The following PPARGC1A variants were observed in gnomAD, a reference collection of about 807,000 sequenced individuals.
The protein encoded by PPARGC1A is PPARG coactivator 1 alpha.
In PPARGC1A, 25 loss-of-function variants were observed where a neutral mutation model predicts 88.7. The ratio of observed to expected loss-of-function variants is 0.28; its 90% CI spans 0.21 to 0.39. The LOEUF is 0.39. Among genes scored for constraint, PPARGC1A ranks in the 10% least tolerant of loss-of-function variants. The pLI is 1.00. For missense variants in PPARGC1A, 880 were observed against 968.7 expected (o/e 0.91, Z 1.22); for synonymous variants, 363 against 355.6 (o/e 1.02, Z -0.24).
the PPARGC1A span, among the ~76,000 whole-genome samples, chr4:24,310,769 A>T: frequency 6.6e-6 from 1 of 152,240 alleles, no homozygotes; most frequent in African/African-American, 2.4e-5. Context: ...CTACAACATA[A>T]AATTCACAAT....
chr4:24,423,117 C>A, the PPARGC1A span, among the ~76,000 whole-genome samples: 3 of 152,038 alleles, frequency 2.0e-5, no homozygotes, highest in Admixed American at 2.0e-4. Flanking sequence ...ATTTGAATTC[C>A]AGCTCAGTGT....
the PPARGC1A span, among the ~76,000 whole-genome samples, chr4:24,133,747 G>T: frequency 6.6e-6 from 1 of 152,086 alleles, no homozygotes; most frequent in Non-Finnish European, 1.5e-5. Context: ...AAGCACAAGG[G>T]GACATTATTC....
At chr4:24,227,606 A>C in the PPARGC1A span, among the ~76,000 whole-genome samples, 2 of 152,230 alleles carry the variant, frequency 1.3e-5, no homozygotes, top group Non-Finnish European at 2.9e-5. Context: ...ATAAAAACAG[A>C]AATCATTGTA....
intron 12 of PPARGC1A, among the ~76,000 whole-genome samples, chr4:23,801,144 T>C (rs1391689669): frequency 6.6e-6 from 1 of 152,018 alleles, no homozygotes; most frequent in African/African-American, 2.4e-5. Context: ...ATGCTATGGT[T>C]CGTGAAAGGA....
At chr4:24,233,379 T>TC in the PPARGC1A span, among the ~76,000 whole-genome samples, 167 of 152,012 alleles carry the variant, frequency 1.1e-3, no homozygotes, top group African/African-American at 3.7e-3. Flanking sequence ...CTCTCTCTTT[T>TC]CTCATCTTCC....
At chr4:24,168,594 A>C in the PPARGC1A span, among the ~76,000 whole-genome samples, 3 of 152,008 alleles carry the variant, frequency 2.0e-5, no homozygotes, top group East Asian at 1.9e-4. Context: ...TTGTACTACA[A>C]GAAGGTGAGG....
the PPARGC1A span, among the ~76,000 whole-genome samples, chr4:23,921,135 C>A: frequency 6.6e-6 from 1 of 152,156 alleles, no homozygotes; most frequent in Non-Finnish European, 1.5e-5. Context: ...TTCCTTTCTC[C>A]CACACTCACC....
chr4:24,107,643 C>T, the PPARGC1A span, among the ~76,000 whole-genome samples: 2 of 152,204 alleles, frequency 1.3e-5, no homozygotes, highest in Admixed American at 1.3e-4. Context: ...AGGTCAGTCA[C>T]AAAATTTAAG....
At chr4:23,813,461 GCTCT>G (rs1301551009) in intron 8 of PPARGC1A, among the ~76,000 whole-genome samples, 48 of 152,170 alleles carry the variant, frequency 3.2e-4, no homozygotes, top group Non-Finnish European at 4.4e-5. Context: ...TTAACAAATT[GCTCT>G]CTCTGATAGG....
the PPARGC1A span, among the ~76,000 whole-genome samples, chr4:24,345,181 G>C: frequency 1.1e-4 from 17 of 152,056 alleles, no homozygotes; most frequent in African/African-American, 4.1e-4. Flanking sequence ...TTTGAGATCA[G>C]GTAGTGTGAT....
chr4:23,837,818 T>G (rs529515856), intron 2 of PPARGC1A, among the ~76,000 whole-genome samples: 1 of 152,274 alleles, frequency 6.6e-6, no homozygotes, highest in East Asian at 1.9e-4. Context: ...GGAGTTCAAA[T>G]AAGAAATACA....
chr4:24,314,583 T>C, the PPARGC1A span, among the ~76,000 whole-genome samples: 5 of 152,148 alleles, frequency 3.3e-5, no homozygotes, highest in African/African-American at 1.2e-4. Flanking sequence ...GCAGCACAAA[T>C]GGACTAAGAC....
At chr4:23,966,828 T>G in the PPARGC1A span, among the ~76,000 whole-genome samples, 1 of 152,320 alleles carries the variant, frequency 6.6e-6, no homozygotes, top group African/African-American at 2.4e-5. Flanking sequence ...TGTATGAATT[T>G]GTTAGCACTG....
chr4:24,449,279 C>T, the PPARGC1A span, among the ~76,000 whole-genome samples: 1 of 152,192 alleles, frequency 6.6e-6, no homozygotes, highest in Non-Finnish European at 1.5e-5. Flanking sequence ...CTCACTCGGC[C>T]CCCTGCAGCC....
chr4:24,429,843 G>T, the PPARGC1A span, among the ~76,000 whole-genome samples: 27 of 152,034 alleles, frequency 1.8e-4, no homozygotes, highest in Middle Eastern at 3.4e-3. Context: ...TAGAGATGGG[G>T]TTTCACCATG....
the PPARGC1A span, among the ~76,000 whole-genome samples, chr4:24,073,288 C>T: frequency 4.6e-5 from 7 of 152,014 alleles, no homozygotes; most frequent in East Asian, 3.9e-4. Context: ...GTGATCTGCC[C>T]GCCTCAGCCT....
the PPARGC1A span, among the ~76,000 whole-genome samples, chr4:23,924,190 G>A: frequency 1.6e-4 from 25 of 152,298 alleles, no homozygotes; most frequent in Middle Eastern, 3.4e-3. Flanking sequence ...GACTCCAAAT[G>A]GGCCAGTCTT....
At chr4:23,975,203 C>A in the PPARGC1A span, among the ~76,000 whole-genome samples, 31,134 of 151,816 alleles carry the variant, frequency 0.21, 3,631 homozygotes, top group Admixed American at 0.35. Flanking sequence ...TGAAGATTTG[C>A]GATTGTAAAG....
At chr4:24,060,142 AAAG>A in the PPARGC1A span, among the ~76,000 whole-genome samples, 14 of 152,224 alleles carry the variant, frequency 9.2e-5, no homozygotes, top group Non-Finnish European at 1.3e-4. Flanking sequence ...AGATGTGAAT[AAAG>A]ATTGAACTTC....
Sources: allele counts gnomAD v4.1 joint callset (sites outside exome capture counted in the v4.1 genomes callset), GRCh38; gene constraint gnomAD v4.1.1; transcripts MANE v1.5; gene names NCBI Gene and HGNC (gene_info 2026-07-23, HGNC 2026-07-21).